The following ADGRB1 variants were observed in gnomAD, a reference collection of about 807,000 sequenced individuals.
ADGRB1 encodes the protein brain-specific angiogenesis inhibitor 1.
ADGRB1 carries 36 observed loss-of-function variants against 175.7 expected under a neutral mutation model. The ratio of observed to expected loss-of-function variants is 0.20; its 90% CI spans 0.16 to 0.27. ADGRB1 has a LOEUF of 0.27. Among genes scored for constraint, ADGRB1 ranks in the 10% least tolerant of loss-of-function variants. The pLI is 1.00. For missense variants in ADGRB1, 1,731 were observed against 2,255.3 expected, an observed-to-expected ratio of 0.77 and a Z score of 4.71; for synonymous variants, 1,054 against 979.4, an observed-to-expected ratio of 1.08 and a Z score of -1.42.
chr8:142,532,081 T>G (rs1168047926), intron 24 of ADGRB1, among the ~76,000 whole-genome samples: 6 of 152,176 alleles, frequency 3.9e-5, no homozygotes, highest in Non-Finnish European at 8.8e-5. Flanking sequence ...CCTGGCATTC[T>G]GACCGCACAC....
At chr8:142,526,503 G>GCCCCCCCCCCCCCCCCCCCCCCCCCC in intron 23 of ADGRB1, 39 bp from the exon 24 acceptor site, 3 of 1,259,272 alleles carry the variant, frequency 2.4e-6, no homozygotes, top group South Asian at 1.3e-5. Context: ...GCCTACGGCG[G>GCCCCCCCCCCCCCCCCCCCCCCCCCC]CCCCCACCCC....
Position 142,475,465 on chromosome 8 carries a change from T to TC in ADGRB1, c.785-3dup. 2 of 1,290,520 alleles carry TC rather than the reference T, an allele frequency of 1.5e-6. No individual in the cohort carries two copies. The highest frequency in any genetic ancestry group is 2.0e-6 in the Non-Finnish European group (2 of 1,018,234). 79.9% of individuals were successfully genotyped at this position (1,290,520 alleles called of 1,614,324 possible). A position where few individuals can be genotyped will look rare whatever the true frequency, so the allele number is the denominator to read the frequency against. ...CTGCCCTGATCCCCGCCCTCTGGTTTCCCCCCAGGCGGCTGGAAGCTGTGG... is the reference window on the plus strand; with the variant it reads ...CTGCCCTGATCCCCGCCCTCTGGTTTCCCCCCCAGGCGGCTGGAAGCTGTGG... On this transcript the variant is annotated splice_polypyrimidine_tract_variant and intron_variant, in intron 2 of 30. Coordinates refer to ENST00000517894, the MANE Select transcript of ADGRB1 (RefSeq NM_001702.3).
rs2132036758 is a variant in ADGRB1, at chr8:142,510,627, C to T, written c.2676-305C>T. 6.9e-6 allele frequency among the ~76,000 whole-genome samples: 1 copy of T among 145,946 alleles called. No individual in the cohort carries two copies. Among genetic ancestry groups the T allele is most frequent in the South Asian group, 2.1e-4 (1 of 4,778 alleles). Reference sequence around the variant, plus strand: ...GGGCGCGGGGCGGGCGACTGCCGGGCCCCGGGCCAGCTCTCGCCCCCCGCC... The same window carrying T: ...GGGCGCGGGGCGGGCGACTGCCGGGTCCCGGGCCAGCTCTCGCCCCCCGCC... On this transcript the variant is annotated intron_variant, in intron 17 of 30. Transcript: ENST00000517894. This position sits in a 1 kb window ranked among gnomAD's most constrained non-coding sequence, Gnocchi z 6.3.
chr8:142,526,674 C>G, intron 24 of ADGRB1, 47 bp downstream of exon 24: 2 of 1,542,062 alleles, frequency 1.3e-6, no homozygotes, highest in South Asian at 1.2e-5. Flanking sequence ...AGTGCAAGAC[C>G]CAGAGCCCAC....
intron 13 of ADGRB1, among the ~76,000 whole-genome samples, chr8:142,487,641 C>T (rs1841738593): frequency 2.0e-5 from 3 of 152,204 alleles, no homozygotes. Context: ...GGGTCCCTGT[C>T]AGCACCTGCT....
rs965464845 is a variant in ADGRB1, at chr8:142,482,400, C to G, written c.2130+689C>G. 2.0e-5 allele frequency among the ~76,000 whole-genome samples: 3 copies of G among 148,980 alleles called. No individual in the cohort carries two copies. In the East Asian group the frequency reaches 6.2e-4, roughly 31 times the overall value. ...GCCCTGATTCTGGTTACACTCAGAA[C>G]CCTGACACTGGTCACCCACTGAACC... On this transcript the variant is annotated intron_variant, in intron 11 of 30. Transcript: ENST00000517894.
In ADGRB1 at chr8:142,510,918, C is replaced by A; in HGVS notation, c.2676-14C>A. On this transcript the variant is annotated splice_polypyrimidine_tract_variant and intron_variant, in intron 17 of 30. Coordinates refer to ENST00000517894, the MANE Select transcript of ADGRB1 (RefSeq NM_001702.3). This position sits in a 1 kb window ranked among gnomAD's most constrained non-coding sequence, Gnocchi z 6.3. ...GCTCCGCCTGTCTCCCTCCCGTGTC[C>A]CGCCCGCCCCCAGACCCTCCTCCTC... 1 of 933,566 alleles carries A rather than the reference C, an allele frequency of 1.1e-6. No homozygotes were observed. Among genetic ancestry groups the A allele is most frequent in the Non-Finnish European group, 1.3e-6 (1 of 755,896 alleles). The allele number at this position is 933,566 out of a possible 1,614,324, so 57.8% of individuals were successfully genotyped here.
rs964496579 is a variant in ADGRB1 at position 142,504,258 on chromosome 8, A to G, written c.2676-6674A>G. Among the ~76,000 whole-genome samples the G allele has an allele frequency of 1.5e-4, 23 of 151,932 alleles. No homozygotes were observed. Among genetic ancestry groups the G allele is most frequent in the African/African-American group, 5.3e-4 (22 of 41,380 alleles). ...GGAGTGGGAGTCAAGGAGGCTTCTT[A>G]GGGGAGGCAGTGGCTCCAGGAGCCC... is the stretch of plus-strand genomic sequence containing the variant. On this transcript the variant is annotated intron_variant, in intron 17 of 30. Transcript: ENST00000517894. The surrounding 1 kb of genome is among the most constrained non-coding windows in gnomAD (Gnocchi z 5.6).
chr8:142,539,554 G>A, intron 27 of ADGRB1, 141 bp downstream of exon 27: 2 of 1,078,358 alleles, frequency 1.9e-6, no homozygotes, highest in South Asian at 1.5e-5. Context: ...ACACCGTCAG[G>A]CCCACCTGGA....
chr8:142,525,233 C>G (rs1844105328), intron 23 of ADGRB1, among the ~76,000 whole-genome samples: 1 of 152,036 alleles, frequency 6.6e-6, no homozygotes, highest in African/African-American at 2.4e-5. Flanking sequence ...CCCCACAGCC[C>G]TGGCTGTGGG....
intron 1 of ADGRB1, among the ~76,000 whole-genome samples, chr8:142,453,903 C>T (rs1438954763): frequency 1.3e-5 from 2 of 152,102 alleles, no homozygotes; most frequent in Non-Finnish European, 2.9e-5. Flanking sequence ...AAGGAAGAGC[C>T]GGCAGTGCAA....
chr8:142,502,817 G>A (rs1237191451), intron 17 of ADGRB1, among the ~76,000 whole-genome samples: 1 of 151,892 alleles, frequency 6.6e-6, no homozygotes, highest in Non-Finnish European at 1.5e-5. Flanking sequence ...AGCAATGGTT[G>A]TGTTGTTGAT....
At chr8:142,526,456 C>G in intron 23 of ADGRB1, 86 bp from the exon 24 acceptor site, 1 of 1,262,440 alleles carries the variant, frequency 7.9e-7, no homozygotes, top group South Asian at 1.3e-5. Flanking sequence ...TCGTGGTTGG[C>G]GTAGCCAGCA....
intron 18 of ADGRB1, among the ~76,000 whole-genome samples, chr8:142,516,290 T>C (rs9774110): frequency 0.62 from 74,200 of 120,564 alleles, 25,292 homozygotes; most frequent in Non-Finnish European, 0.76. Context: ...TGCGTGTGTG[T>C]GGGCCCCAGG....
At position 142,475,865 on chromosome 8, in the gene ADGRB1, G is replaced by A. The variant is rs543097506; in HGVS notation, c.946+230G>A. 9.8e-4 allele frequency among the ~76,000 whole-genome samples: 144 copies of A among 147,348 alleles called. No individual in the cohort carries two copies. The highest frequency in any genetic ancestry group is 3.2e-3 in the African/African-American group (132 of 41,150). On this transcript the variant is annotated intron_variant, in intron 3 of 30. Transcript: ENST00000517894. ...GCCTGCAGGAAGAGTGAATAGGGTG[G>A]GTCTGGGCTCTGAGAAGCAGGACCT... is the stretch of plus-strand genomic sequence containing the variant.
At chr8:142,532,613 G>A (rs375707115) in intron 24 of ADGRB1, among the ~76,000 whole-genome samples, 2 of 152,150 alleles carry the variant, frequency 1.3e-5, no homozygotes, top group African/African-American at 2.4e-5. Context: ...TCTCTCCTCT[G>A]CTCCTCCCCT....
At chr8:142,533,620 C>A (rs561387825) in intron 25 of ADGRB1, among the ~76,000 whole-genome samples, 154 bp downstream of exon 25, 1 of 152,088 alleles carries the variant, frequency 6.6e-6, no homozygotes, top group Admixed American at 6.5e-5. Flanking sequence ...GTCCACAGAG[C>A]GGGGCCTGCA....
chr8:142,510,977 C>A lies in ADGRB1; in HGVS notation c.2721C>A (p.Arg907=). ...APPQLGPWSW[R]GCRTVPLDAL... Reference sequence around the variant, plus strand: ...CGCAGCTCGGGCCCTGGTCGTGGCGCGGCTGCCGCACGGTGCCCCTCGACG... The same window carrying A: ...CGCAGCTCGGGCCCTGGTCGTGGCGAGGCTGCCGCACGGTGCCCCTCGACG... Residue 907 remains arginine, a synonymous_variant, in exon 18 of 31, where the codon CGC becomes CGA. Transcript: ENST00000517894. The surrounding 1 kb of genome is among the most constrained non-coding windows in gnomAD (Gnocchi z 6.3). 7.7e-7 allele frequency: 1 copy of A among 1,304,922 alleles called. No homozygotes were observed. The highest frequency in any genetic ancestry group is 9.9e-7 in the Non-Finnish European group (1 of 1,009,432). The allele number at this position is 1,304,922 out of a possible 1,614,324, so 80.8% of individuals were successfully genotyped here.
At chr8:142,496,908 T>C (rs970139586) in intron 17 of ADGRB1, among the ~76,000 whole-genome samples, 3 of 152,206 alleles carry the variant, frequency 2.0e-5, no homozygotes, top group Admixed American at 1.3e-4. Context: ...CCTGTCCAAC[T>C]GGGCTGGGAG....
Sources: gnomAD v4.1 joint callset for allele counts (sites outside exome capture counted in the v4.1 genomes callset) on GRCh38, gnomAD v4.1.1 for gene constraint, Gnocchi (gnomAD v3.1) non-coding constraint, MANE v1.5 for transcripts, NCBI Gene and HGNC (gene_info 2026-07-23, HGNC 2026-07-21) for gene names.